SGCD: variants seen among roughly 807,000 people sequenced by gnomAD.
The protein encoded by SGCD is sarcoglycan delta.
SGCD carries 18 observed loss-of-function variants against 36.6 expected under a neutral mutation model. The ratio of observed to expected loss-of-function variants is 0.49; its 90% CI spans 0.34 to 0.73. The LOEUF is 0.73. Ranked by LOEUF, SGCD falls within the 30% of genes least tolerant of loss-of-function variation. The pLI, the probability that SGCD is intolerant of heterozygous loss-of-function variation, is 0.01. For missense variants in SGCD, 387 were observed against 346.7 expected (o/e 1.12, Z -0.92); for synonymous variants, 133 against 130.6 (o/e 1.02, Z -0.12).
intron 3 of SGCD, among the ~76,000 whole-genome samples, chr5:156,268,620 TTCTC>T (rs1194331182): frequency 6.6e-6 from 1 of 152,058 alleles, no homozygotes; most frequent in Non-Finnish European, 1.5e-5. Context: ...GAGACAGAGT[TTCTC>T]TCTTGTTGCC....
At chr5:156,543,621 G>T (rs995027942) in intron 4 of SGCD, among the ~76,000 whole-genome samples, 9 of 152,204 alleles carry the variant, frequency 5.9e-5, no homozygotes, top group Non-Finnish European at 1.5e-5. Context: ...ACATGGGTTT[G>T]CTGTGAGGAT....
chr5:156,568,808 C>CATT (rs1338654908), intron 4 of SGCD, among the ~76,000 whole-genome samples: 2 of 152,202 alleles, frequency 1.3e-5, no homozygotes, highest in African/African-American at 4.8e-5. Flanking sequence ...TAATGAACCA[C>CATT]ATTTGTTTCA....
chr5:156,180,251 C>T (rs1444745227), intron 3 of SGCD, among the ~76,000 whole-genome samples: 1 of 152,140 alleles, frequency 6.6e-6, no homozygotes, highest in Non-Finnish European at 1.5e-5. Flanking sequence ...GAAATTACAG[C>T]AAACCATAAT....
At chr5:156,635,767 C>G (rs1180977848) in intron 6 of SGCD, among the ~76,000 whole-genome samples, 2 of 151,840 alleles carry the variant, frequency 1.3e-5, no homozygotes, top group African/African-American at 4.8e-5. Flanking sequence ...CCATCATTCT[C>G]AGCAAACTAT....
chr5:156,386,752 A>T (rs942346508), intron 3 of SGCD, among the ~76,000 whole-genome samples: 1 of 152,184 alleles, frequency 6.6e-6, no homozygotes, highest in Admixed American at 6.5e-5. Context: ...TGTTGGAGGG[A>T]TGGGGCACAA....
chr5:155,844,880 C>A, the SGCD span, among the ~76,000 whole-genome samples: 1 of 152,132 alleles, frequency 6.6e-6, no homozygotes, highest in Non-Finnish European at 1.5e-5. Flanking sequence ...CTTCCATCAT[C>A]TTTTTTTATT....
intron 6 of SGCD, among the ~76,000 whole-genome samples, chr5:156,616,610 T>A (rs887513889): frequency 6.6e-6 from 1 of 152,204 alleles, no homozygotes; most frequent in African/African-American, 2.4e-5. Context: ...GTACCAAGCA[T>A]GTTTTTACCT....
chr5:155,769,400 C>A, the SGCD span, among the ~76,000 whole-genome samples: 31 of 149,388 alleles, frequency 2.1e-4, no homozygotes, highest in East Asian at 5.9e-4. Flanking sequence ...AAAGAAAAAA[C>A]CAAAAAACCG....
chr5:156,228,698 C>T (rs887287344), intron 3 of SGCD, among the ~76,000 whole-genome samples: 2 of 151,908 alleles, frequency 1.3e-5, no homozygotes. Context: ...TGCCTGTATA[C>T]CGTGGTTTTT....
intron 3 of SGCD, among the ~76,000 whole-genome samples, chr5:156,459,671 A>T (rs187953438): frequency 7.2e-5 from 11 of 152,280 alleles, no homozygotes. Context: ...TCCATTTAAC[A>T]TACCATCATT....
At chr5:156,487,490 C>T (rs2127845565) in intron 3 of SGCD, among the ~76,000 whole-genome samples, 2 of 152,022 alleles carry the variant, frequency 1.3e-5, no homozygotes, top group South Asian at 4.2e-4. Context: ...AATAATTCAC[C>T]ATACAAGAGC....
chr5:156,115,635 AT>A (rs1276470236), intron 1 of SGCD, among the ~76,000 whole-genome samples: 1 of 152,046 alleles, frequency 6.6e-6, no homozygotes, highest in Non-Finnish European at 1.5e-5. Context: ...TTTCTTAGGT[AT>A]TGTTTGTAAA....
chr5:156,685,230 T>G (rs1753862266), intron 7 of SGCD, among the ~76,000 whole-genome samples: 1 of 152,030 alleles, frequency 6.6e-6, no homozygotes, highest in Non-Finnish European at 1.5e-5. Flanking sequence ...AGAACTCAAG[T>G]GGGCTACTCG....
chr5:156,021,745 G>A (rs767095557), intron 1 of SGCD, among the ~76,000 whole-genome samples: 19 of 152,062 alleles, frequency 1.2e-4, no homozygotes, highest in Admixed American at 3.3e-4. Context: ...GGTGTGAGCC[G>A]GAGCCTGGCA....
intron 7 of SGCD, among the ~76,000 whole-genome samples, chr5:156,709,122 G>A (rs1754872309): frequency 6.6e-6 from 1 of 152,000 alleles, no homozygotes; most frequent in African/African-American, 2.4e-5. Flanking sequence ...TTCTGTGTCT[G>A]ATGTTTCTCA....
At chr5:155,803,415 G>A in the SGCD span, among the ~76,000 whole-genome samples, 2 of 152,164 alleles carry the variant, frequency 1.3e-5, no homozygotes, top group Non-Finnish European at 2.9e-5. Context: ...AGATCATGAA[G>A]GAGGTGCTGC....
At chr5:156,378,917 A>G (rs984055343) in intron 3 of SGCD, among the ~76,000 whole-genome samples, 3 of 152,182 alleles carry the variant, frequency 2.0e-5, no homozygotes, top group African/African-American at 4.8e-5. Flanking sequence ...GTATAAAATC[A>G]CCATCCCAGA....
At chr5:156,757,098 G>A (rs1427299736) in intron 7 of SGCD, among the ~76,000 whole-genome samples, 2 of 151,776 alleles carry the variant, frequency 1.3e-5, no homozygotes, top group Non-Finnish European at 1.5e-5. Flanking sequence ...TGGTCATTTA[G>A]TGGCCACCCC....
At chr5:156,037,036 T>C (rs911911947) in intron 1 of SGCD, among the ~76,000 whole-genome samples, 2 of 152,178 alleles carry the variant, frequency 1.3e-5, no homozygotes, top group Non-Finnish European at 2.9e-5. Flanking sequence ...TGGTTTTGTT[T>C]TGAAGACTGA....
Sources: gnomAD v4.1 joint callset for allele counts (sites outside exome capture counted in the v4.1 genomes callset) on GRCh38, gnomAD v4.1.1 for gene constraint, MANE v1.5 for transcripts, NCBI Gene and HGNC (gene_info 2026-07-23, HGNC 2026-07-21) for gene names.